NAB1: variants seen among roughly 807,000 people sequenced by gnomAD.
The protein encoded by NAB1 is NGFI-A-binding protein 1.
In NAB1, 25 loss-of-function variants were observed where a neutral mutation model predicts 49.9. The observed-to-expected ratio is 0.50, with a 90% CI of 0.37 to 0.70. The LOEUF (loss-of-function observed/expected upper bound fraction) is 0.70, where lower values mean the gene tolerates loss of function less well. Ranked by LOEUF, NAB1 falls within the 30% of genes least tolerant of loss-of-function variation. The pLI, the probability that NAB1 is intolerant of heterozygous loss-of-function variation, is 0.00. For synonymous variants in NAB1, 198 were observed against 215.6 expected, an observed-to-expected ratio of 0.92 and a Z score of 0.71; for missense variants, 489 against 575.9, an observed-to-expected ratio of 0.85 and a Z score of 1.54.
rs915779452 is a variant in NAB1 at position 190,674,928 on chromosome 2, A to G, written c.1005+1776A>G. On this transcript the variant is annotated intron_variant, in intron 6 of 9. Transcript: ENST00000337386. The surrounding 1 kb of genome is among the most constrained non-coding windows in gnomAD (Gnocchi z 5.7). Reference sequence around the variant, plus strand: ...TATATTTGTAACCTACCTCACTGTTAGCTCTGGAATAATGTTTAAGATGGT... The same window carrying G: ...TATATTTGTAACCTACCTCACTGTTGGCTCTGGAATAATGTTTAAGATGGT... 2.0e-5 allele frequency among the ~76,000 whole-genome samples: 3 copies of G among 152,222 alleles called. No individual in the cohort carries two copies. The highest frequency in any genetic ancestry group is 4.4e-5 in the Non-Finnish European group (3 of 68,040).
chr2:190,655,973 A>G lies in NAB1; in HGVS notation c.-196-4A>G, dbSNP rs1412747407. On this transcript the variant is annotated splice_region_variant and splice_polypyrimidine_tract_variant and intron_variant, in intron 2 of 9. Coordinates refer to ENST00000337386, the MANE Select transcript of NAB1 (RefSeq NM_005966.4). ...CCCTAACATCATTGGGATTCTTTTT[A>G]TAGGACTGAGCAGGGGGAGGAACAT... is the stretch of plus-strand genomic sequence containing the variant. The G allele has an allele frequency of 6.6e-6, 1 of 152,254 alleles. No individual in the cohort carries two copies. The highest frequency in any genetic ancestry group is 1.5e-5 in the Non-Finnish European group (1 of 68,040). The allele number at this position is 152,254 out of a possible 1,614,324, so 9.4% of individuals were successfully genotyped here.
rs1229825800 is a variant in NAB1 at position 190,677,486 on chromosome 2, CTG to C, written c.1005+4335_1005+4336del. Reference sequence around the variant, plus strand: ...TTAGACGGAATGAATAACATGTCCACTGGAACACAGCCCTCTGTGAGTCCACT... The same window carrying C: ...TTAGACGGAATGAATAACATGTCCACGAACACAGCCCTCTGTGAGTCCACT... On this transcript the variant is annotated intron_variant, in intron 6 of 9. Coordinates refer to ENST00000337386, the MANE Select transcript of NAB1 (RefSeq NM_005966.4). This position sits in a 1 kb window ranked among gnomAD's most constrained non-coding sequence, Gnocchi z 5.6. The C allele has an allele frequency of 6.6e-6, 1 of 152,210 alleles. No individual in the cohort carries two copies. Among genetic ancestry groups the C allele is most frequent in the Non-Finnish European group, 1.5e-5 (1 of 68,038 alleles). The allele number at this position is 152,210 out of a possible 1,614,324, so 9.4% of individuals were successfully genotyped here.
rs1315311548 is a variant in NAB1, at chr2:190,692,492, C to T, written c.*2159C>T. On this transcript the variant is annotated 3_prime_UTR_variant, in exon 10 of 10. Transcript: ENST00000337386. The surrounding 1 kb of genome is among the most constrained non-coding windows in gnomAD (Gnocchi z 5.2). ...ACACTAATGTATTAAACTTGCTATACATTAAAGCAAATAATATATATTTTT... is the reference window on the plus strand; with the variant it reads ...ACACTAATGTATTAAACTTGCTATATATTAAAGCAAATAATATATATTTTT... 6.6e-6 allele frequency: 1 copy of T among 152,560 alleles called. No individual in the cohort carries two copies. Among genetic ancestry groups the T allele is most frequent in the Non-Finnish European group, 1.5e-5 (1 of 68,026 alleles). 9.5% of individuals were successfully genotyped at this position (152,560 alleles called of 1,614,324 possible). A position where few individuals can be genotyped will look rare whatever the true frequency, so the allele number is the denominator to read the frequency against.
At position 190,692,113 on chromosome 2, in the gene NAB1, TAG is replaced by T. The variant is rs1432906861; in HGVS notation, c.*1781_*1782del. ...TTGTATTGTTCACTGTGTGTAGAAA[TAG>T]TATGAGTACGATTTCAATAGACTGT... On this transcript the variant is annotated 3_prime_UTR_variant, in exon 10 of 10. Coordinates refer to ENST00000337386, the MANE Select transcript of NAB1 (RefSeq NM_005966.4). This position sits in a 1 kb window ranked among gnomAD's most constrained non-coding sequence, Gnocchi z 5.2. 1 of 152,368 alleles carries T rather than the reference TAG, an allele frequency of 6.6e-6. No homozygotes were observed. Among genetic ancestry groups the T allele is most frequent in the African/African-American group, 2.4e-5 (1 of 41,364 alleles). 9.4% of individuals were successfully genotyped at this position (152,368 alleles called of 1,614,324 possible).
In NAB1 at chr2:190,674,219, T is replaced by C. The variant is rs1694962201; in HGVS notation, c.1005+1067T>C. 6.6e-6 allele frequency among the ~76,000 whole-genome samples: 1 copy of C among 152,206 alleles called. No individual in the cohort carries two copies. Among genetic ancestry groups the C allele is most frequent in the Non-Finnish European group, 1.5e-5 (1 of 68,030 alleles). ...AAAGGATCTAAGACCCCACATGATCTGACTGCAGCTTGCATCTCCTACCTT... is the reference window on the plus strand; with the variant it reads ...AAAGGATCTAAGACCCCACATGATCCGACTGCAGCTTGCATCTCCTACCTT... On this transcript the variant is annotated intron_variant, in intron 6 of 9. Transcript: ENST00000337386. The surrounding 1 kb of genome is among the most constrained non-coding windows in gnomAD (Gnocchi z 5.7).
chr2:190,674,184 CTT>C lies in NAB1; in HGVS notation c.1005+1040_1005+1041del, dbSNP rs916369707. Among the ~76,000 whole-genome samples the C allele has an allele frequency of 6.6e-6, 1 of 151,600 alleles. No individual in the cohort carries two copies. Among genetic ancestry groups the C allele is most frequent in the Admixed American group, 6.6e-5 (1 of 15,198 alleles). Reference sequence around the variant, plus strand: ...TACTGTACCTGGAATAAAATCTAAACTTTTTTTTTAAAGGATCTAAGACCCCA... The same window carrying C: ...TACTGTACCTGGAATAAAATCTAAACTTTTTTTAAAGGATCTAAGACCCCA... On this transcript the variant is annotated intron_variant, in intron 6 of 9. Coordinates refer to ENST00000337386, the MANE Select transcript of NAB1 (RefSeq NM_005966.4). This position sits in a 1 kb window ranked among gnomAD's most constrained non-coding sequence, Gnocchi z 5.7.
intron 4 of NAB1, among the ~76,000 whole-genome samples, chr2:190,662,350 C>T (rs985283243): frequency 2.0e-5 from 3 of 149,734 alleles, no homozygotes; most frequent in African/African-American, 2.5e-5. Flanking sequence ...AAATGTACAC[C>T]GTAAAGAATT....
chr2:190,690,789 G>A lies in NAB1; in HGVS notation c.*456G>A, dbSNP rs1468271747. The stretch of plus-strand genomic sequence containing the variant: ...TGTCAGAGTTTAGAATCTGCCTGCA[G>A]TTGTGAAAAAGAAAGCTTAAGTGAT... On this transcript the variant is annotated 3_prime_UTR_variant, in exon 10 of 10. Coordinates refer to ENST00000337386, the MANE Select transcript of NAB1 (RefSeq NM_005966.4). 6.5e-6 allele frequency: 1 copy of A among 152,942 alleles called. No homozygotes were observed. The highest frequency in any genetic ancestry group is 1.9e-4 in the East Asian group (1 of 5,200). 9.5% of individuals were successfully genotyped at this position (152,942 alleles called of 1,614,324 possible).
Position 190,684,381 on chromosome 2 carries a change from A to G in NAB1, c.1095+554A>G, listed in dbSNP as rs534454262. Among the ~76,000 whole-genome samples the G allele has an allele frequency of 9.8e-5, 15 of 152,308 alleles. No individual in the cohort carries two copies. The highest frequency in any genetic ancestry group is 3.9e-4 in the East Asian group (2 of 5,182). On this transcript the variant is annotated intron_variant, in intron 7 of 9. Transcript: ENST00000337386. The surrounding 1 kb of genome is among the most constrained non-coding windows in gnomAD (Gnocchi z 4.6). Reference sequence around the variant, plus strand: ...GAAAGCACTGTAAACTTTTATTCCTATTGAACAGCTTCTTTGTAATAAGTT... The same window carrying G: ...GAAAGCACTGTAAACTTTTATTCCTGTTGAACAGCTTCTTTGTAATAAGTT...
rs1021712245 is a variant in NAB1, at chr2:190,651,208, G to A, written c.-197+1226G>A. ...ACAAGGACATTTAGTAAGCTTATAT[G>A]TCTAGTAAATAACTTGATCTATCTA... On this transcript the variant is annotated intron_variant, in intron 2 of 9. Transcript: ENST00000337386. The surrounding 1 kb of genome is among the most constrained non-coding windows in gnomAD (Gnocchi z 4.3). 1.1e-4 allele frequency among the ~76,000 whole-genome samples: 16 copies of A among 152,152 alleles called. No homozygotes were observed. Among genetic ancestry groups the A allele is most frequent in the African/African-American group, 3.9e-4 (16 of 41,428 alleles).
chr2:190,664,714 G>A (rs952050718), intron 4 of NAB1, among the ~76,000 whole-genome samples: 1 of 146,594 alleles, frequency 6.8e-6, no homozygotes, highest in Non-Finnish European at 1.5e-5. Flanking sequence ...TTACAGACGT[G>A]AGCCACCACA....
Position 190,677,372 on chromosome 2 carries a change from G to A in NAB1, c.1005+4220G>A, listed in dbSNP as rs1695124514. 1.3e-5 allele frequency: 2 copies of A among 152,080 alleles called. No homozygotes were observed. The highest frequency in any genetic ancestry group is 1.3e-4 in the Admixed American group (2 of 15,280). 9.4% of individuals were successfully genotyped at this position (152,080 alleles called of 1,614,324 possible). On this transcript the variant is annotated intron_variant, in intron 6 of 9. Transcript: ENST00000337386. This position sits in a 1 kb window ranked among gnomAD's most constrained non-coding sequence, Gnocchi z 5.6. ...AGAAAAAGATCGCCTGCTAGCTTAG[G>A]TGTGCCTTAAGGAACCTACCATTTG... is the stretch of plus-strand genomic sequence containing the variant.
In NAB1 at chr2:190,684,158, TGAGATAAA is replaced by T. The variant is rs1468558252; in HGVS notation, c.1095+332_1095+339del. ...ACCATGGCTGTGTGTAATGCAACTC[TGAGATAAA>T]ATAATACTAGTTCTCAATAAAATAT... On this transcript the variant is annotated intron_variant, in intron 7 of 9. Coordinates refer to ENST00000337386, the MANE Select transcript of NAB1 (RefSeq NM_005966.4). This position sits in a 1 kb window ranked among gnomAD's most constrained non-coding sequence, Gnocchi z 4.6. Among the ~76,000 whole-genome samples, 1 of 152,222 alleles carries T rather than the reference TGAGATAAA, an allele frequency of 6.6e-6. No individual in the cohort carries two copies. Among genetic ancestry groups the T allele is most frequent in the African/African-American group, 2.4e-5 (1 of 41,466 alleles).
chr2:190,662,260 G>C (rs1330824569), intron 4 of NAB1, among the ~76,000 whole-genome samples: 1 of 151,788 alleles, frequency 6.6e-6, no homozygotes, highest in Admixed American at 6.6e-5. Flanking sequence ...TTTTTCAACT[G>C]TTCAAGTACA....
In NAB1 at chr2:190,657,922, T is replaced by G. The variant is rs1471094821; in HGVS notation, c.-19-1236T>G. Among the ~76,000 whole-genome samples the G allele has an allele frequency of 6.6e-6, 1 of 152,228 alleles. No homozygotes were observed. Among genetic ancestry groups the G allele is most frequent in the Non-Finnish European group, 1.5e-5 (1 of 68,042 alleles). Reference sequence around the variant, plus strand: ...ATTCTTTTAGCCTTCTGTTATTTTCTCCATAGAGGGCTACAGGGTACTTTT... The same window carrying G: ...ATTCTTTTAGCCTTCTGTTATTTTCGCCATAGAGGGCTACAGGGTACTTTT... On this transcript the variant is annotated intron_variant, in intron 3 of 9. Transcript: ENST00000337386. This position sits in a 1 kb window ranked among gnomAD's most constrained non-coding sequence, Gnocchi z 4.4.
At chr2:190,687,057 T>C (rs1695640940) in intron 8 of NAB1, 144 bp from the exon 9 acceptor site, 3 of 435,286 alleles carry the variant, frequency 6.9e-6, no homozygotes, top group Non-Finnish European at 1.2e-5. Context: ...ATTTAAAATG[T>C]TTTTTCCAAG....
In NAB1 at chr2:190,674,257, A is replaced by G. The variant is rs1201548157; in HGVS notation, c.1005+1105A>G. Reference sequence around the variant, plus strand: ...CATCTCCTACCTTGTCTGCTGCCACACTCTCCATTCTTACTGTGTTCCAGC... The same window carrying G: ...CATCTCCTACCTTGTCTGCTGCCACGCTCTCCATTCTTACTGTGTTCCAGC... On this transcript the variant is annotated intron_variant, in intron 6 of 9. Transcript: ENST00000337386. The surrounding 1 kb of genome is among the most constrained non-coding windows in gnomAD (Gnocchi z 5.7). Among the ~76,000 whole-genome samples, 2 of 151,768 alleles carry G rather than the reference A, an allele frequency of 1.3e-5. No homozygotes were observed. Among genetic ancestry groups the G allele is most frequent in the African/African-American group, 4.8e-5 (2 of 41,284 alleles).
rs1423051966 is a variant in NAB1 at position 190,667,843 on chromosome 2, A to T, written c.820-2483A>T. 6.6e-6 allele frequency among the ~76,000 whole-genome samples: 1 copy of T among 152,176 alleles called. No homozygotes were observed. The highest frequency in any genetic ancestry group is 1.5e-5 in the Non-Finnish European group (1 of 67,992). ...TGGAACATTTATATATTATTAGAGT[A>T]GGAAGAGATTTTCTTTGCCTGTCAC... On this transcript the variant is annotated intron_variant, in intron 4 of 9. Coordinates refer to ENST00000337386, the MANE Select transcript of NAB1 (RefSeq NM_005966.4). This position sits in a 1 kb window ranked among gnomAD's most constrained non-coding sequence, Gnocchi z 4.4.
Position 190,690,436 on chromosome 2 carries a change from A to G in NAB1, c.*103A>G, listed in dbSNP as rs1485124141. The G allele has an allele frequency of 2.2e-6, 2 of 889,642 alleles. No individual in the cohort carries two copies. Among genetic ancestry groups the G allele is most frequent in the Non-Finnish European group, 3.6e-6 (2 of 552,522 alleles). 55.1% of individuals were successfully genotyped at this position (889,642 alleles called of 1,614,324 possible). On this transcript the variant is annotated 3_prime_UTR_variant, in exon 10 of 10. Coordinates refer to ENST00000337386, the MANE Select transcript of NAB1 (RefSeq NM_005966.4). Reference sequence around the variant, plus strand: ...AACCAGTGTTGCCTCATTCAGCTCAAACAGATTTCATAGCCAAAGCAAAAG... The same window carrying G: ...AACCAGTGTTGCCTCATTCAGCTCAGACAGATTTCATAGCCAAAGCAAAAG...
Sources: gnomAD v4.1 joint callset for allele counts (sites outside exome capture counted in the v4.1 genomes callset) on GRCh38, gnomAD v4.1.1 for gene constraint, Gnocchi (gnomAD v3.1) non-coding constraint, MANE v1.5 for transcripts, NCBI Gene and HGNC (gene_info 2026-07-23, HGNC 2026-07-21) for gene names.